GRM5: variants seen among roughly 807,000 people sequenced by gnomAD.
GRM5 encodes the protein metabotropic glutamate receptor 5.
Under a neutral mutation model 83.1 loss-of-function variants are expected in GRM5, and 19 were observed. The ratio of observed to expected loss-of-function variants is 0.23; its 90% CI spans 0.16 to 0.34. The LOEUF is 0.34. Ranked by LOEUF, GRM5 falls within the 10% of genes least tolerant of loss-of-function variation. The probability of loss-of-function intolerance (pLI) is 1.00; values close to 1 mark genes in which losing one functional copy is unlikely to be tolerated. For missense variants in GRM5, 1,160 were observed against 1,588.3 expected (o/e 0.73, Z 4.58); for synonymous variants, 675 against 633.6 (o/e 1.07, Z -0.98).
At chr11:89,016,298 TTATA>T (rs1278252019) in intron 2 of GRM5, among the ~76,000 whole-genome samples, 1 of 150,276 alleles carries the variant, frequency 6.7e-6, no homozygotes, top group Non-Finnish European at 1.5e-5. Context: ...TTCATATTTA[TTATA>T]TATACATTAT....
intron 8 of GRM5, among the ~76,000 whole-genome samples, chr11:88,534,003 G>A (rs962484263): frequency 6.6e-6 from 1 of 152,178 alleles, no homozygotes; most frequent in Non-Finnish European, 1.5e-5. Flanking sequence ...TCCATGTGGT[G>A]TTGAGCCTGT....
intron 3 of GRM5, among the ~76,000 whole-genome samples, chr11:88,678,766 T>C (rs1360909819): frequency 2.6e-5 from 4 of 152,158 alleles, no homozygotes; most frequent in East Asian, 1.9e-4. Context: ...CCATGAATAG[T>C]GAACATTTAA....
At chr11:88,549,080 G>A (rs1202876843) in intron 8 of GRM5, among the ~76,000 whole-genome samples, 2 of 152,144 alleles carry the variant, frequency 1.3e-5, no homozygotes, top group African/African-American at 4.8e-5. Flanking sequence ...GAAACACTTG[G>A]GTTAGGAATT....
At chr11:89,060,342 A>C (rs1451814391) in intron 1 of GRM5, among the ~76,000 whole-genome samples, 1 of 151,894 alleles carries the variant, frequency 6.6e-6, no homozygotes, top group Non-Finnish European at 1.5e-5. Context: ...CTTATTTTGA[A>C]AATGGGGGAT....
chr11:88,727,062 G>A (rs1301582672), intron 3 of GRM5, among the ~76,000 whole-genome samples: 4 of 152,160 alleles, frequency 2.6e-5, no homozygotes, highest in African/African-American at 9.7e-5. Flanking sequence ...ATGTAAATGG[G>A]CTAAATGCCT....
At chr11:88,988,006 C>T (rs1370984433) in intron 2 of GRM5, among the ~76,000 whole-genome samples, 56 of 150,860 alleles carry the variant, frequency 3.7e-4, no homozygotes, top group East Asian at 9.7e-4. Context: ...CAAAGCTGGA[C>T]GGAGAACGAC....
chr11:88,991,211 C>T (rs550157129), intron 2 of GRM5, among the ~76,000 whole-genome samples: 2 of 152,204 alleles, frequency 1.3e-5, no homozygotes, highest in African/African-American at 4.8e-5. Flanking sequence ...CATTCTTATA[C>T]ACCAACAACA....
rs1034111605 is a variant in GRM5, at chr11:88,505,419, GA to G, written c.*3172del. The G allele has an allele frequency of 6.6e-6, 1 of 152,232 alleles. No homozygotes were observed. Among genetic ancestry groups the G allele is most frequent in the Non-Finnish European group, 1.5e-5 (1 of 68,036 alleles). The allele number at this position is 152,232 out of a possible 1,614,324, so 9.4% of individuals were successfully genotyped here. On this transcript the variant is annotated 3_prime_UTR_variant, in exon 10 of 10. Coordinates refer to ENST00000305447, the MANE Select transcript of GRM5 (RefSeq NM_001143831.3). ...CTATTATACAATTCATTTACAGTCAGAAATAGCTCCTAGTCTTCCTGATCAC... is the reference window on the plus strand; with the variant it reads ...CTATTATACAATTCATTTACAGTCAGAATAGCTCCTAGTCTTCCTGATCAC...
intron 4 of GRM5, among the ~76,000 whole-genome samples, chr11:88,620,560 G>A (rs991436039): frequency 2.6e-5 from 4 of 152,158 alleles, no homozygotes; most frequent in Admixed American, 1.3e-4. Context: ...TGTAATGAAG[G>A]TGCAGGTAGC....
In GRM5 at chr11:88,528,361, T is replaced by C. The variant is rs559211468; in HGVS notation, c.2631-2957A>G. On this transcript the variant is annotated intron_variant, in intron 8 of 9. Coordinates refer to ENST00000305447, the MANE Select transcript of GRM5 (RefSeq NM_001143831.3). ...TGCCTGTCTGTACCTGTAATTATAT[T>C]CACCAGATATTTAAATAGATCATAT... Among the ~76,000 whole-genome samples, 26 of 152,182 alleles carry C rather than the reference T, an allele frequency of 1.7e-4. 1 individual carries two copies. Among genetic ancestry groups the C allele is most frequent in the African/African-American group, 5.8e-4 (24 of 41,550 alleles).
Position 88,508,546 on chromosome 11 carries a change from G to T in GRM5, c.*46C>A, listed in dbSNP as rs200782117. On this transcript the variant is annotated 3_prime_UTR_variant, in exon 10 of 10. Transcript: ENST00000305447. This position sits in a 1 kb window ranked among gnomAD's most constrained non-coding sequence, Gnocchi z 4.2. Reference sequence around the variant, plus strand: ...TGCCATTGTGTGTGTGTGAACACGGGGGGCTCCGCTCCGCACGCGCAGGCC... The same window carrying T: ...TGCCATTGTGTGTGTGTGAACACGGTGGGCTCCGCTCCGCACGCGCAGGCC... 7 of 1,504,892 alleles carry T rather than the reference G, an allele frequency of 4.7e-6. No homozygotes were observed. The African/African-American group carries it at 5.6e-5, about 12-fold the overall frequency. 93.2% of individuals were successfully genotyped at this position (1,504,892 alleles called of 1,614,324 possible). A position where few individuals can be genotyped will look rare whatever the true frequency, so the allele number is the denominator to read the frequency against.
At chr11:89,022,239 G>A (rs747680091) in intron 2 of GRM5, among the ~76,000 whole-genome samples, 3 of 151,956 alleles carry the variant, frequency 2.0e-5, no homozygotes, top group East Asian at 3.9e-4. Context: ...CACACTAACC[G>A]TAACTTCAAC....
At chr11:88,854,433 C>A (rs191107118) in intron 2 of GRM5, among the ~76,000 whole-genome samples, 3 of 151,780 alleles carry the variant, frequency 2.0e-5, no homozygotes, top group Non-Finnish European at 2.9e-5. Flanking sequence ...TTCCTCAGAT[C>A]GTAACAGATT....
intron 2 of GRM5, among the ~76,000 whole-genome samples, chr11:88,926,381 ATAAG>A (rs1440633562): frequency 6.6e-6 from 1 of 152,186 alleles, no homozygotes. Flanking sequence ...TATGGGTAAA[ATAAG>A]TACTTATTGC....
intron 7 of GRM5, among the ~76,000 whole-genome samples, chr11:88,570,571 A>ATATATATATATATATT (rs1405339448): frequency 1.3e-4 from 6 of 46,374 alleles, no homozygotes; most frequent in African/African-American, 5.3e-4. Context: ...ATATATATAT[A>ATATATATATATATATT]TTTTTTTTTT....
At chr11:89,009,011 C>T in intron 2 of GRM5, 1 of 699,216 alleles carries the variant, frequency 1.4e-6, no homozygotes. Context: ...CCTAATTTAC[C>T]TTTAGCCCTA....
intron 2 of GRM5, among the ~76,000 whole-genome samples, chr11:89,033,984 G>A (rs1325106806): frequency 3.3e-5 from 5 of 151,580 alleles, no homozygotes. Context: ...AATGTAGCAT[G>A]GTTAAAATAT....
At chr11:88,902,640 A>G (rs1945330372) in intron 2 of GRM5, among the ~76,000 whole-genome samples, 1 of 152,110 alleles carries the variant, frequency 6.6e-6, no homozygotes, top group Admixed American at 6.6e-5. Context: ...GACACCAAAC[A>G]GAAAAATAAA....
At chr11:88,543,984 T>A (rs757904616) in intron 8 of GRM5, among the ~76,000 whole-genome samples, 10 of 152,098 alleles carry the variant, frequency 6.6e-5, no homozygotes, top group Non-Finnish European at 1.3e-4. Flanking sequence ...GGATTAATGT[T>A]GTTATCATGG....
Sources: allele counts gnomAD v4.1 joint callset (sites outside exome capture counted in the v4.1 genomes callset), GRCh38; gene constraint gnomAD v4.1.1; non-coding constraint Gnocchi (gnomAD v3.1); transcripts MANE v1.5; gene names NCBI Gene and HGNC (gene_info 2026-07-23, HGNC 2026-07-21).